The following NME9 variants were observed in gnomAD, a reference collection of about 807,000 sequenced individuals.
The protein encoded by NME9 is NME/NM23 family member 9, also known as thioredoxin domain-containing protein 6.
A neutral mutation model predicts 44.4 loss-of-function variants in NME9; 48 were observed. The ratio of observed to expected loss-of-function variants is 1.08; its 90% CI spans 0.86 to 1.37. NME9 has a LOEUF of 1.37. NME9 is among the 40% of genes most tolerant of loss of function. The pLI, the probability that NME9 is intolerant of heterozygous loss-of-function variation, is 0.00. For synonymous variants in NME9, 139 were observed against 147.1 expected (o/e 0.94, Z 0.40); for missense variants, 325 against 405.2 (o/e 0.80, Z 1.70).
At chr3:138,273,068 G>A (rs1159363570) in intron 8 of NME9, 1 of 1,613,410 alleles carries the variant, frequency 6.2e-7, no homozygotes, top group Admixed American at 1.7e-5. Flanking sequence ...ATTTGAATGT[G>A]CTGATGAAGA....
chr3:138,278,732 A>AT (rs1217681195), intron 8 of NME9, among the ~76,000 whole-genome samples: 1 of 152,136 alleles, frequency 6.6e-6, no homozygotes, highest in African/African-American at 2.4e-5. Context: ...AATTCTTCTT[A>AT]TAGCAGTGTT....
intron 8 of NME9, chr3:138,284,601 C>T: frequency 2.7e-6 from 3 of 1,108,244 alleles, no homozygotes; most frequent in Non-Finnish European, 2.7e-6. Context: ...ATAAATTGTG[C>T]AGAGATTTTA....
At chr3:138,301,757 C>G (rs2051864872) in intron 10 of NME9, 53 bp from the exon 11 acceptor site, 3 of 1,380,252 alleles carry the variant, frequency 2.2e-6, no homozygotes, top group Non-Finnish European at 3.0e-6. Flanking sequence ...TGTCCCAGAC[C>G]TTCTGTCCCA....
chr3:138,306,177 AAAAT>A, intron 7 of NME9, 81 bp from the exon 8 acceptor site: 2 of 1,102,702 alleles, frequency 1.8e-6, no homozygotes, highest in Non-Finnish European at 2.8e-6. Context: ...TGAAAGGTAA[AAAAT>A]AAAGACAGGC....
intron 10 of NME9, among the ~76,000 whole-genome samples, chr3:138,302,293 C>T (rs960178684): frequency 6.6e-6 from 1 of 152,102 alleles, no homozygotes; most frequent in African/African-American, 2.4e-5. Flanking sequence ...TGCAGATAGC[C>T]CCTTTTCTTA....
chr3:138,324,463 C>T lies in NME9; in HGVS notation c.91+410G>A, dbSNP rs778642682. 8 of 459,570 alleles carry T rather than the reference C, an allele frequency of 1.7e-5. 1 individual carries two copies. The highest frequency in any genetic ancestry group is 1.1e-4 in the South Asian group (7 of 64,586). 28.5% of individuals were successfully genotyped at this position (459,570 alleles called of 1,614,324 possible). On this transcript the variant is annotated intron_variant, in intron 2 of 10. Transcript: ENST00000333911. ...GCCAGGAGGATAGGGATGAGGAGGC[C>T]CATAGACAGTGGCCTGCTGTTTCCT...
At chr3:138,296,122 C>T (rs2051461139), downstream of NME9, 2 of 477,862 alleles carry the variant, frequency 4.2e-6, no homozygotes, top group African/African-American at 4.0e-5. Context: ...TTTTTCTGAG[C>T]TACTCGGACT....
At chr3:138,311,631 A>G (rs2108443965) in intron 6 of NME9, among the ~76,000 whole-genome samples, 1 of 152,352 alleles carries the variant, frequency 6.6e-6, no homozygotes, top group African/African-American at 2.4e-5. Flanking sequence ...AGAACCAAGA[A>G]CAAAAACCAT....
chr3:138,305,939 A>G, intron 8 of NME9, 65 bp downstream of exon 8: 1 of 1,061,008 alleles, frequency 9.4e-7, no homozygotes, highest in South Asian at 1.3e-5. Flanking sequence ...ATATCAATCT[A>G]TAAGCATAAT....
At chr3:138,278,026 C>A (rs1015268365) in intron 8 of NME9, among the ~76,000 whole-genome samples, 1 of 152,128 alleles carries the variant, frequency 6.6e-6, no homozygotes, top group African/African-American at 2.4e-5. Flanking sequence ...ACTATATGAT[C>A]CCATCTATAT....
chr3:138,301,795 T>C, intron 10 of NME9, 91 bp from the exon 11 acceptor site: 2 of 1,057,764 alleles, frequency 1.9e-6, no homozygotes, highest in Non-Finnish European at 2.8e-6. Flanking sequence ...AATAGGAAGT[T>C]AAAGGTCAGA....
chr3:138,297,174 A>C (rs1315898284), downstream of NME9: 1 of 152,234 alleles, frequency 6.6e-6, no homozygotes, highest in Non-Finnish European at 1.5e-5. Flanking sequence ...TCTTTCCTGC[A>C]TGAAGCTAAA....
chr3:138,320,365 A>G (rs900832240), intron 2 of NME9, among the ~76,000 whole-genome samples: 1 of 152,210 alleles, frequency 6.6e-6, no homozygotes, highest in Non-Finnish European at 1.5e-5. Flanking sequence ...GATATCTGCC[A>G]AAATGCCTCA....
At chr3:138,324,080 C>G (rs142226992) in intron 2 of NME9, 1 of 205,612 alleles carries the variant, frequency 4.9e-6, no homozygotes, top group Non-Finnish European at 1.0e-5. Context: ...CTAGGGGAAG[C>G]AAGTTACCAG....
At position 138,329,743 on chromosome 3, in the gene NME9, C is replaced by T; in HGVS notation, c.-408G>A. On this transcript the variant is annotated 5_prime_UTR_variant, in exon 1 of 11. Transcript: ENST00000333911. ...ATGGGACCCTGTTATCCCTGCTGTT[C>T]TTATGGATTACTGGGAAAGTGAGCC... 1 of 1,023,060 alleles carries T rather than the reference C, an allele frequency of 9.8e-7. No individual in the cohort carries two copies. Among genetic ancestry groups the T allele is most frequent in the Non-Finnish European group, 1.2e-6 (1 of 854,422 alleles). 63.4% of individuals were successfully genotyped at this position (1,023,060 alleles called of 1,614,324 possible).
chr3:138,296,258 A>G (rs768534604), downstream of NME9: 84 of 174,060 alleles, frequency 4.8e-4, no homozygotes, highest in Non-Finnish European at 7.6e-4. Context: ...GTGCACGTAC[A>G]TGGGCCAGAA....
rs572583061 is a variant in NME9, at chr3:138,280,307, C to CTTATTA, written c.746-17727_746-17722dup. ...GTTTTTGGTTTCATTGATTTTCCCA[C>CTTATTA]TTATTATTATTATTATTATATATAT... On this transcript the variant is annotated intron_variant, in intron 8 of 8. Coordinates refer to the NME9 transcript ENST00000317876. Among the ~76,000 whole-genome samples the CTTATTA allele has an allele frequency of 3.5e-4, 53 of 150,436 alleles. 1 individual carries two copies. In the South Asian group the frequency reaches 0.011, roughly 30 times the overall value.
chr3:138,291,423 T>C (rs1560060480), intron 8 of NME9, among the ~76,000 whole-genome samples: 2 of 152,348 alleles, frequency 1.3e-5, no homozygotes, highest in East Asian at 3.9e-4. Flanking sequence ...TCTCCTCTCC[T>C]CTGAGTCCCC....
chr3:138,273,080 A>G (rs2048940482), intron 8 of NME9: 2 of 1,613,142 alleles, frequency 1.2e-6, no homozygotes, highest in Admixed American at 1.7e-5. Context: ...TGATGAAGAC[A>G]TTGGGACTTC....
Sources: gnomAD v4.1 joint callset for allele counts (sites outside exome capture counted in the v4.1 genomes callset) on GRCh38, gnomAD v4.1.1 for gene constraint, MANE v1.5 for transcripts, NCBI Gene and HGNC (gene_info 2026-07-23, HGNC 2026-07-21) for gene names.